WHRN: variants seen among roughly 807,000 people sequenced by gnomAD.
WHRN encodes whirlin.
Under a neutral mutation model 68.3 loss-of-function variants are expected in WHRN, and 41 were observed. The observed-to-expected ratio is 0.60, with a 90% CI of 0.47 to 0.78. The LOEUF (loss-of-function observed/expected upper bound fraction) is 0.78. WHRN is among the 30% of genes least tolerant of loss of function. The pLI is 0.00. For synonymous variants in WHRN, 560 were observed against 561.3 expected, an observed-to-expected ratio of 1.00 and a Z score of 0.03; for missense variants, 1,243 against 1,244.7, an observed-to-expected ratio of 1.00 and a Z score of 0.02.
intron 3 of WHRN, among the ~76,000 whole-genome samples, chr9:114,464,048 A>G (rs973602852): frequency 1.3e-5 from 2 of 152,312 alleles, no homozygotes; most frequent in East Asian, 1.9e-4. Context: ...ATTATTACAC[A>G]CTGCATGCCT....
intron 8 of WHRN, 143 bp downstream of exon 8, chr9:114,407,804 C>T (rs761859078): frequency 1.4e-6 from 1 of 715,436 alleles, no homozygotes; most frequent in East Asian, 2.7e-5. Flanking sequence ...AGACCTGTAG[C>T]TGGGTGTGAG....
At chr9:114,403,800 C>A in intron 10 of WHRN, 96 bp downstream of exon 10, 1 of 1,479,802 alleles carries the variant, frequency 6.8e-7, no homozygotes, top group South Asian at 1.1e-5. Context: ...CCTTTGTGGT[C>A]ACTTGCCAAG....
chr9:114,455,522 G>A (rs1839706278), intron 3 of WHRN, among the ~76,000 whole-genome samples: 1 of 151,990 alleles, frequency 6.6e-6, no homozygotes, highest in African/African-American at 2.4e-5. Context: ...ACCAGCCTGG[G>A]CAACATGACA....
At chr9:114,463,461 C>T (rs1231466605) in intron 3 of WHRN, among the ~76,000 whole-genome samples, 1 of 152,190 alleles carries the variant, frequency 6.6e-6, no homozygotes, top group Non-Finnish European at 1.5e-5. Context: ...TTCATACAGA[C>T]TAAATGCAAT....
intron 7 of WHRN, among the ~76,000 whole-genome samples, chr9:114,418,925 GA>G (rs1836029543): frequency 6.6e-6 from 1 of 152,178 alleles, no homozygotes; most frequent in Non-Finnish European, 1.5e-5. Context: ...CTCCATCGTG[GA>G]AAGGATTTCT....
At position 114,403,901 on chromosome 9, in the gene WHRN, T is replaced by C; in HGVS notation, c.2413A>G (p.Lys805Glu). 1.2e-6 allele frequency: 2 copies of C among 1,610,704 alleles called. No individual in the cohort carries two copies. Among genetic ancestry groups the C allele is most frequent in the Non-Finnish European group, 1.7e-6 (2 of 1,179,990 alleles). Reference protein sequence around the residue: ...RNERPTDGANKPPGLLEPTST... With the variant: ...RNERPTDGANEPPGLLEPTST... ...TCCTCCTCCTCCTGGCTCACCGGTT[T>C]GTTGGCCCCATCTGTGGGCCTCTCG... is the stretch of plus-strand genomic sequence containing the variant. The change falls in exon 10 of 12, where the codon AAA becomes GAA. Residue 805 changes from lysine (K) to glutamate (E), a missense_variant. By Grantham distance (56) the Lys-to-Glu change is moderately conservative. Coordinates refer to ENST00000362057, the MANE Select transcript of WHRN (RefSeq NM_015404.4).
In WHRN at chr9:114,403,356, G is replaced by A. The variant is rs1834804795; in HGVS notation, c.2419-17C>T. Reference sequence around the variant, plus strand: ...AAGTCCAGGCTGTGGGTATTAGGAAGGACACCACTGAGGCCTTCGCAGTTG... The same window carrying A: ...AAGTCCAGGCTGTGGGTATTAGGAAAGACACCACTGAGGCCTTCGCAGTTG... On this transcript the variant is annotated splice_polypyrimidine_tract_variant and intron_variant, in intron 10 of 11. Coordinates refer to ENST00000362057, the MANE Select transcript of WHRN (RefSeq NM_015404.4). 1.2e-6 allele frequency: 2 copies of A among 1,613,864 alleles called. No individual in the cohort carries two copies. Among genetic ancestry groups the A allele is most frequent in the African/African-American group, 1.3e-5 (1 of 75,066 alleles).
chr9:114,496,045 GT>G (rs957603918), intron 1 of WHRN, among the ~76,000 whole-genome samples: 11 of 149,224 alleles, frequency 7.4e-5, no homozygotes, highest in East Asian at 3.9e-4. Context: ...AAATTACAGG[GT>G]TTTTTTTTTA....
chr9:114,504,256 C>A lies in WHRN; in HGVS notation c.546G>T (p.Leu182=), dbSNP rs749277791. ...EPGSLAEKEG[L]RVGDQILRVN... ...CGCGCAGAATCTGGTCCCCGACCCG[C>A]AGTCCTTCCTTCTCAGCTAGAGAGC... The change falls in exon 1 of 12, where the codon CTG becomes CTT. Residue 182 remains leucine, a synonymous_variant. Transcript: ENST00000362057. 3.7e-6 allele frequency: 6 copies of A among 1,614,152 alleles called. No individual in the cohort carries two copies. In the East Asian group the frequency reaches 8.9e-5, roughly 24 times the overall value.
At chr9:114,455,933 C>A (rs1325803541) in intron 3 of WHRN, among the ~76,000 whole-genome samples, 1 of 151,994 alleles carries the variant, frequency 6.6e-6, no homozygotes, top group African/African-American at 2.4e-5. Flanking sequence ...TACAGTTGGG[C>A]AAAATCATCT....
At chr9:114,473,610 G>C (rs1028718217) in intron 2 of WHRN, among the ~76,000 whole-genome samples, 5 of 152,168 alleles carry the variant, frequency 3.3e-5, no homozygotes, top group Admixed American at 3.3e-4. Context: ...AGTGAAATCT[G>C]AAAACTGCAG....
chr9:114,403,393 CA>C (rs1364545158), intron 10 of WHRN, 54 bp from the exon 11 acceptor site: 1 of 1,612,836 alleles, frequency 6.2e-7, no homozygotes, highest in South Asian at 1.1e-5. Context: ...CAGGCCTGGC[CA>C]GGGGGCTGGG....
chr9:114,406,231 C>T, intron 9 of WHRN, 124 bp downstream of exon 9: 2 of 1,383,238 alleles, frequency 1.4e-6, no homozygotes, highest in Non-Finnish European at 2.0e-6. Flanking sequence ...ACTCCCTTCG[C>T]CACTCTGGCC....
At chr9:114,461,331 T>C (rs1408562761) in intron 3 of WHRN, among the ~76,000 whole-genome samples, 1 of 152,240 alleles carries the variant, frequency 6.6e-6, no homozygotes, top group Non-Finnish European at 1.5e-5. Context: ...GTGGTGTGTG[T>C]CCGGCATAGA....
At chr9:114,443,290 C>T (rs1185045705) in intron 3 of WHRN, among the ~76,000 whole-genome samples, 2 of 152,238 alleles carry the variant, frequency 1.3e-5, no homozygotes, top group African/African-American at 4.8e-5. Context: ...TATTATCTTA[C>T]AGTTCTGGGG....
intron 3 of WHRN, 114 bp downstream of exon 3, chr9:114,466,153 C>T: frequency 6.5e-7 from 1 of 1,528,718 alleles, no homozygotes; most frequent in Non-Finnish European, 9.0e-7. Flanking sequence ...GAGGGCTCCC[C>T]AGCTGGGACC....
chr9:114,474,272 A>G (rs982238902), intron 2 of WHRN, among the ~76,000 whole-genome samples: 1 of 152,182 alleles, frequency 6.6e-6, no homozygotes, highest in African/African-American at 2.4e-5. Context: ...GTTTTTACTT[A>G]GCCATCCTCA....
rs1373938113 is a variant in WHRN at position 114,504,612 on chromosome 9, C to A, written c.190G>T (p.Ala64Ser). The A allele has an allele frequency of 5.0e-6, 8 of 1,610,948 alleles. No individual in the cohort carries two copies. Among genetic ancestry groups the A allele is most frequent in the African/African-American group, 1.3e-5 (1 of 74,922 alleles). The change falls in exon 1 of 12, where the codon GCT (alanine) becomes TCT (serine). Residue 64 changes from alanine (A) to serine (S), a missense_variant. Physicochemically the swap from Ala to Ser is moderately conservative, Grantham distance 99 (BLOSUM62 1). Transcript: ENST00000362057. ...EREQFTHCLN[A>S]YHARRNVFDL... is the part of the protein sequence containing the mutation. ...AAGACGTTGCGGCGCGCGTGGTAAGCGTTCAGGCAGTGGGTGAACTGCTCC... is the reference window on the plus strand; with the variant it reads ...AAGACGTTGCGGCGCGCGTGGTAAGAGTTCAGGCAGTGGGTGAACTGCTCC...
At chr9:114,464,082 C>T (rs998983505) in intron 3 of WHRN, among the ~76,000 whole-genome samples, 1 of 152,170 alleles carries the variant, frequency 6.6e-6, no homozygotes. Context: ...ACATGTATCC[C>T]ACAAATGTAC....
Sources: allele counts gnomAD v4.1 joint callset (sites outside exome capture counted in the v4.1 genomes callset), GRCh38; gene constraint gnomAD v4.1.1; transcripts MANE v1.5; gene names NCBI Gene and HGNC (gene_info 2026-07-23, HGNC 2026-07-21).